Variants in RNMT observed in about 807,000 individuals in gnomAD.
RNMT encodes the protein mRNA cap guanine-N(7) methyltransferase.
RNMT carries 27 observed loss-of-function variants against 56.0 expected under a neutral mutation model. The observed-to-expected ratio is 0.48, with a 90% CI of 0.36 to 0.67. The LOEUF is 0.67. RNMT is among the 30% of genes least tolerant of loss of function. RNMT has a pLI of 0.00. For synonymous variants in RNMT, 184 were observed against 176.2 expected (o/e 1.04, Z -0.35); for missense variants, 519 against 552.1 (o/e 0.94, Z 0.60).
chr18:13,746,178 A>C (rs2044348878), intron 8 of RNMT, 42 bp from the exon 9 acceptor site: 2 of 1,035,890 alleles, frequency 1.9e-6, no homozygotes, highest in Admixed American at 4.6e-5. Context: ...AGGAATTACA[A>C]ACATGTGGAA....
Position 13,737,039 on chromosome 18 carries a change from A to T in RNMT, c.583A>T (p.Lys195Ter). ...GEFLEKVRQK[K>*]KRDITVLDLG... Reference sequence around the variant, plus strand: ...ATTTTTGGAAAAGGTACGACAGAAGAAAAAACGTGATATCACTGTTTTGGA... The same window carrying T: ...ATTTTTGGAAAAGGTACGACAGAAGTAAAAACGTGATATCACTGTTTTGGA... Residue 195 changes from lysine (K) to a stop codon, truncating the protein, a stop_gained, in exon 5 of 12, where the codon AAA becomes TAA. Coordinates refer to ENST00000383314, the MANE Select transcript of RNMT (RefSeq NM_003799.3). LOFTEE classifies it high-confidence loss of function. 1 of 1,613,498 alleles carries T rather than the reference A, an allele frequency of 6.2e-7. No homozygotes were observed. The highest frequency in any genetic ancestry group is 8.5e-7 in the Non-Finnish European group (1 of 1,179,618).
At chr18:13,727,187 G>T (rs1324103529) in intron 1 of RNMT, among the ~76,000 whole-genome samples, 1 of 152,238 alleles carries the variant, frequency 6.6e-6, no homozygotes, top group Non-Finnish European at 1.5e-5. Flanking sequence ...GGCGGGTCGG[G>T]ACTTAGAGCT....
intron 9 of RNMT, among the ~76,000 whole-genome samples, chr18:13,749,966 C>T (rs972468996): frequency 6.6e-6 from 1 of 152,092 alleles, no homozygotes; most frequent in African/African-American, 2.4e-5. Context: ...TGAAATGTTG[C>T]CCAGGCTAGT....
intron 8 of RNMT, chr18:13,742,957 T>C (rs1405536665): frequency 1.0e-5 from 2 of 198,302 alleles, no homozygotes; most frequent in African/African-American, 2.4e-5. Context: ...TGCCTGACAC[T>C]GCAAATAGCA....
In RNMT at chr18:13,747,035, A is replaced by G. The variant is rs547593608; in HGVS notation, c.1257+698A>G. 4.6e-5 allele frequency among the ~76,000 whole-genome samples: 7 copies of G among 152,298 alleles called. No individual in the cohort carries two copies. In the South Asian group the frequency reaches 1.2e-3, roughly 27 times the overall value. ...CTTACCAGACAATGTTTGGTTGGAC[A>G]GACCTAAAATATTCAGTGAGCATTT... On this transcript the variant is annotated intron_variant, in intron 9 of 11. Transcript: ENST00000383314.
intron 9 of RNMT, among the ~76,000 whole-genome samples, chr18:13,747,583 C>T (rs2044373698): frequency 6.6e-6 from 1 of 152,160 alleles, no homozygotes; most frequent in South Asian, 2.1e-4. Flanking sequence ...TCAAGGCATA[C>T]TAACCTTTAG....
At chr18:13,734,841 A>G (rs2044132485) in intron 4 of RNMT, among the ~76,000 whole-genome samples, 1 of 152,152 alleles carries the variant, frequency 6.6e-6, no homozygotes, top group South Asian at 2.1e-4. Context: ...TAATGATTCT[A>G]TTTTACTCTA....
chr18:13,730,164 A>G (rs2044041989), intron 1 of RNMT, among the ~76,000 whole-genome samples: 1 of 152,220 alleles, frequency 6.6e-6, no homozygotes, highest in African/African-American at 2.4e-5. Context: ...GCTTCTCCAT[A>G]GTAGGAGGTC....
chr18:13,758,883 A>G (rs1449365473), intron 11 of RNMT, among the ~76,000 whole-genome samples: 1 of 152,090 alleles, frequency 6.6e-6, no homozygotes, highest in African/African-American at 2.4e-5. Flanking sequence ...AGACCATTGT[A>G]GGATTATTAA....
chr18:13,758,305 A>G (rs1311486174), intron 11 of RNMT, among the ~76,000 whole-genome samples: 1 of 152,218 alleles, frequency 6.6e-6, no homozygotes, highest in Non-Finnish European at 1.5e-5. Context: ...CTCTCTAGCT[A>G]TGAAAGTCCT....
chr18:13,759,415 ATC>A (rs1187788991), intron 11 of RNMT, among the ~76,000 whole-genome samples: 1 of 152,164 alleles, frequency 6.6e-6, no homozygotes, highest in East Asian at 1.9e-4. Context: ...TAGAAATAAT[ATC>A]TCTGAAGTAT....
At chr18:13,732,217 A>G (rs1489612114) in intron 3 of RNMT, among the ~76,000 whole-genome samples, 2 of 151,948 alleles carry the variant, frequency 1.3e-5, no homozygotes, top group Non-Finnish European at 1.5e-5. Flanking sequence ...TTTTTCCGAG[A>G]CAGAGTCTTG....
intron 4 of RNMT, among the ~76,000 whole-genome samples, chr18:13,735,471 T>C (rs1385379085): frequency 1.3e-5 from 2 of 151,550 alleles, no homozygotes; most frequent in African/African-American, 4.8e-5. Context: ...GACTCTGCCA[T>C]GTGTCAGCTT....
intron 9 of RNMT, among the ~76,000 whole-genome samples, chr18:13,746,700 G>T (rs1482498705): frequency 6.6e-6 from 1 of 152,128 alleles, no homozygotes; most frequent in Non-Finnish European, 1.5e-5. Context: ...TAACACTCTT[G>T]TCCCCAGTTA....
In RNMT at chr18:13,760,824, T is replaced by G; in HGVS notation, c.*845T>G. 1 of 985,460 alleles carries G rather than the reference T, an allele frequency of 1.0e-6. No homozygotes were observed. The highest frequency in any genetic ancestry group is 1.2e-6 in the Non-Finnish European group (1 of 829,922). The allele number at this position is 985,460 out of a possible 1,614,324, so 61.0% of individuals were successfully genotyped here. The stretch of plus-strand genomic sequence containing the variant: ...CTGCAGTAGGAATATTCTCACCATC[T>G]GATGCCATGTACCCACTTCAGAAAT... On this transcript the variant is annotated 3_prime_UTR_variant, in exon 12 of 12. Transcript: ENST00000383314.
intron 11 of RNMT, among the ~76,000 whole-genome samples, 180 bp downstream of exon 11, chr18:13,754,327 A>T (rs569349681): frequency 6.6e-6 from 1 of 152,172 alleles, no homozygotes; most frequent in South Asian, 2.1e-4. Context: ...GCAACATGGC[A>T]AATGCTTGTC....
chr18:13,743,344 AT>A (rs1568505850), intron 8 of RNMT, among the ~76,000 whole-genome samples: 27 of 102,452 alleles, frequency 2.6e-4, no homozygotes, highest in African/African-American at 8.1e-4. Flanking sequence ...AAATAAATAA[AT>A]AAATAAATAA....
intron 9 of RNMT, among the ~76,000 whole-genome samples, chr18:13,750,976 A>G (rs1441978095): frequency 1.3e-5 from 2 of 152,202 alleles, no homozygotes; most frequent in Non-Finnish European, 2.9e-5. Flanking sequence ...AAGATGGATT[A>G]AAGACTTAAA....
At chr18:13,728,323 TTTTTTTTTGTGTGTGTGTGTGTGTG>T (rs2044003589) in intron 1 of RNMT, among the ~76,000 whole-genome samples, 1 of 22,816 alleles carries the variant, frequency 4.4e-5, no homozygotes, top group Admixed American at 6.7e-4. Flanking sequence ...TTTTTTTTTT[TTTTTTTTTGTGTGTGTGTGTGTGTG>T]TGTGTGTGAC....
Sources: allele counts gnomAD v4.1 joint callset (sites outside exome capture counted in the v4.1 genomes callset), GRCh38; gene constraint gnomAD v4.1.1; transcripts MANE v1.5; gene names NCBI Gene and HGNC (gene_info 2026-07-23, HGNC 2026-07-21).